OR5AN1: variants seen among roughly 807,000 people sequenced by gnomAD.
The protein encoded by OR5AN1 is olfactory receptor family 5 subfamily AN member 1, also known as olfactory receptor 5AN1.
For missense variants in OR5AN1, 476 were observed against 368.9 expected (o/e 1.29, Z -2.38); for synonymous variants, 167 against 131.8 (o/e 1.27, Z -1.83).
At chr11:59,359,560 A>G (rs1309613574) in intron 1 of OR5AN1, 1 of 152,164 alleles carries the variant, frequency 6.6e-6, no homozygotes, top group Non-Finnish European at 1.5e-5. Flanking sequence ...AATGCTAATA[A>G]TTAACTTGAT....
chr11:59,364,442 T>C lies in OR5AN1; in HGVS notation c.-13-4T>C. The C allele has an allele frequency of 6.4e-7, 1 of 1,553,960 alleles. No homozygotes were observed. Among genetic ancestry groups the C allele is most frequent in the Non-Finnish European group, 8.8e-7 (1 of 1,137,632 alleles). ...CCATTCTCTTGTCTCCTTTCTGATA[T>C]TAGGAGCACTGAGCCAATGACTGGG... On this transcript the variant is annotated splice_region_variant and splice_polypyrimidine_tract_variant and intron_variant, in intron 1 of 1. Coordinates refer to ENST00000641998, the MANE Select transcript of OR5AN1 (RefSeq NM_001004729.2).
chr11:59,361,883 CAA>C (rs1299003919), intron 1 of OR5AN1, among the ~76,000 whole-genome samples: 2 of 151,526 alleles, frequency 1.3e-5, no homozygotes, highest in Admixed American at 1.3e-4. Context: ...TGTAGGAAAA[CAA>C]GAGAATACAG....
rs376741641 is a variant in OR5AN1, at chr11:59,369,894, T to C, written c.*4500T>C. 36 of 152,142 alleles carry C rather than the reference T, an allele frequency of 2.4e-4. No individual in the cohort carries two copies. Among genetic ancestry groups the C allele is most frequent in the African/African-American group, 8.7e-4 (36 of 41,434 alleles). 9.4% of individuals were successfully genotyped at this position (152,142 alleles called of 1,614,324 possible). On this transcript the variant is annotated 3_prime_UTR_variant, in exon 2 of 2. Coordinates refer to ENST00000641998, the MANE Select transcript of OR5AN1 (RefSeq NM_001004729.2). ...TGAGTCATCTACAAAGGGATCCCCG[T>C]CAGGCTAACAGCAGACCTCTCCACT... is the stretch of plus-strand genomic sequence containing the variant.
chr11:59,361,571 G>A (rs751592059), intron 1 of OR5AN1, among the ~76,000 whole-genome samples: 87 of 152,282 alleles, frequency 5.7e-4, no homozygotes, highest in Non-Finnish European at 1.0e-3. Flanking sequence ...CTGAGCCACC[G>A]CGTCTGGCTG....
At chr11:59,360,500 T>A (rs544083380) in intron 1 of OR5AN1, among the ~76,000 whole-genome samples, 2 of 152,260 alleles carry the variant, frequency 1.3e-5, no homozygotes, top group South Asian at 4.1e-4. Flanking sequence ...TGTTTCATGG[T>A]GGTTTTCTGC....
At chr11:59,364,377 A>T in intron 1 of OR5AN1, 69 bp from the exon 2 acceptor site, 1 of 912,438 alleles carries the variant, frequency 1.1e-6, no homozygotes, top group South Asian at 1.6e-5. Flanking sequence ...ATGTACACAT[A>T]TGAAGACGGT....
At position 59,364,634 on chromosome 11, in the gene OR5AN1, C is replaced by A. The variant is rs747522885; in HGVS notation, c.176C>A (p.Pro59His). 3.7e-6 allele frequency: 6 copies of A among 1,613,924 alleles called. No homozygotes were observed. The African/African-American group carries it at 6.7e-5, about 18-fold the overall frequency. The change falls in exon 2 of 2, where the codon CCC becomes CAC. Residue 59 changes from proline to histidine, a missense_variant. By Grantham distance (77) the Pro-to-His change is moderately conservative. Transcript: ENST00000641998. ...AGGATGGATTCCCACCTCCATACAC[C>A]CATGTATTTCTTCCTCAGTAACCTG... is the stretch of plus-strand genomic sequence containing the variant. ...LIRMDSHLHT[P>H]MYFFLSNLSF...
chr11:59,364,292 A>G, intron 1 of OR5AN1, 154 bp from the exon 2 acceptor site: 2 of 561,812 alleles, frequency 3.6e-6, no homozygotes, highest in Non-Finnish European at 6.3e-6. Flanking sequence ...CATGCTGACA[A>G]TTCAAGAAAG....
At position 59,371,226 on chromosome 11, in the gene OR5AN1, G is replaced by T. The variant is rs188087360; in HGVS notation, c.*5832G>T. Reference sequence around the variant, plus strand: ...GTGTCCCTGCTTAATATTACATAGAGTAGCTGGGTCATAATTATTTAATCA... The same window carrying T: ...GTGTCCCTGCTTAATATTACATAGATTAGCTGGGTCATAATTATTTAATCA... On this transcript the variant is annotated 3_prime_UTR_variant, in exon 2 of 2. Transcript: ENST00000641998. The T allele has an allele frequency of 7.9e-5, 12 of 152,080 alleles. No homozygotes were observed. Among genetic ancestry groups the T allele is most frequent in the Non-Finnish European group, 1.0e-4 (7 of 68,014 alleles). The allele number at this position is 152,080 out of a possible 1,614,324, so 9.4% of individuals were successfully genotyped here.
Position 59,367,696 on chromosome 11 carries a change from G to C in OR5AN1, c.*2302G>C, listed in dbSNP as rs1319222640. ...ATCTGAGCTGACCCAGGGTGGAAGA[G>C]AACCCCCAGCCTAGCACAACACAGC... On this transcript the variant is annotated 3_prime_UTR_variant, in exon 2 of 2. Coordinates refer to ENST00000641998, the MANE Select transcript of OR5AN1 (RefSeq NM_001004729.2). 1 of 152,184 alleles carries C rather than the reference G, an allele frequency of 6.6e-6. No homozygotes were observed. The highest frequency in any genetic ancestry group is 1.5e-5 in the Non-Finnish European group (1 of 68,228). The allele number at this position is 152,184 out of a possible 1,614,324, so 9.4% of individuals were successfully genotyped here. A position where few individuals can be genotyped will look rare whatever the true frequency, so the allele number is the denominator to read the frequency against.
Position 59,366,162 on chromosome 11 carries a change from G to A in OR5AN1, c.*768G>A, listed in dbSNP as rs1857530278. ...GATTTCTTGTATCTAGAGTCTAGTG[G>A]GAAATTATAATGGAGATGATATTCA... On this transcript the variant is annotated 3_prime_UTR_variant, in exon 2 of 2. Transcript: ENST00000641998. 1 of 152,112 alleles carries A rather than the reference G, an allele frequency of 6.6e-6. No individual in the cohort carries two copies. The highest frequency in any genetic ancestry group is 6.6e-5 in the Admixed American group (1 of 15,266). 9.4% of individuals were successfully genotyped at this position (152,112 alleles called of 1,614,324 possible).
chr11:59,362,268 C>T (rs1857473193), intron 1 of OR5AN1, among the ~76,000 whole-genome samples: 4 of 152,086 alleles, frequency 2.6e-5, no homozygotes, highest in Admixed American at 2.0e-4. Flanking sequence ...AAGAGTTTTT[C>T]TGCCGTAACC....
intron 1 of OR5AN1, among the ~76,000 whole-genome samples, chr11:59,361,538 C>T (rs1448477646): frequency 6.6e-6 from 1 of 152,214 alleles, no homozygotes; most frequent in African/African-American, 2.4e-5. Context: ...GCCTCGGCCT[C>T]CCATAGTGCT....
chr11:59,360,568 T>A (rs1184855652), intron 1 of OR5AN1, among the ~76,000 whole-genome samples: 1 of 152,168 alleles, frequency 6.6e-6, no homozygotes, highest in Non-Finnish European at 1.5e-5. Flanking sequence ...TTTTTCCTAA[T>A]GCTCTCCCTC....
rs1472519973 is a variant in OR5AN1 at position 59,368,006 on chromosome 11, G to A, written c.*2612G>A. On this transcript the variant is annotated 3_prime_UTR_variant, in exon 2 of 2. Transcript: ENST00000641998. ...CAGCACAGCTGTTCTACCAAAACGT[G>A]GCCAGACTGCTTTTTCAAGTGGTTC... 6.6e-6 allele frequency: 1 copy of A among 152,282 alleles called. No individual in the cohort carries two copies. Among genetic ancestry groups the A allele is most frequent in the Non-Finnish European group, 1.5e-5 (1 of 68,130 alleles). The allele number at this position is 152,282 out of a possible 1,614,324, so 9.4% of individuals were successfully genotyped here.
Position 59,364,457 on chromosome 11 carries a change from C to G in OR5AN1, c.-2C>G. ...CTTTCTGATATTAGGAGCACTGAGC[C>G]AATGACTGGGGGAGGAAATATTACA... On this transcript the variant is annotated 5_prime_UTR_variant, in exon 2 of 2. Coordinates refer to ENST00000641998, the MANE Select transcript of OR5AN1 (RefSeq NM_001004729.2). 6.3e-7 allele frequency: 1 copy of G among 1,597,842 alleles called. No individual in the cohort carries two copies. Among genetic ancestry groups the G allele is most frequent in the African/African-American group, 1.3e-5 (1 of 74,772 alleles).
At position 59,366,305 on chromosome 11, in the gene OR5AN1, A is replaced by T. The variant is rs1400337342; in HGVS notation, c.*911A>T. On this transcript the variant is annotated 3_prime_UTR_variant, in exon 2 of 2. Coordinates refer to ENST00000641998, the MANE Select transcript of OR5AN1 (RefSeq NM_001004729.2). ...GGGTAACTATTGAATCCAGGAGAGG[A>T]TGAAAGAAACATGGGTCAAATATAT... is the stretch of plus-strand genomic sequence containing the variant. 6.6e-6 allele frequency: 1 copy of T among 152,168 alleles called. No individual in the cohort carries two copies. Among genetic ancestry groups the T allele is most frequent in the Non-Finnish European group, 1.5e-5 (1 of 68,030 alleles). The allele number at this position is 152,168 out of a possible 1,614,324, so 9.4% of individuals were successfully genotyped here.
In OR5AN1 at chr11:59,365,621, A is replaced by G. The variant is rs1171518809; in HGVS notation, c.*227A>G. ...AGGTTCATTATTTTTATCCTACATCAGGATAAATAATGTGGCCTCATCATT... is the reference window on the plus strand; with the variant it reads ...AGGTTCATTATTTTTATCCTACATCGGGATAAATAATGTGGCCTCATCATT... On this transcript the variant is annotated 3_prime_UTR_variant, in exon 2 of 2. Transcript: ENST00000641998. 1 of 421,800 alleles carries G rather than the reference A, an allele frequency of 2.4e-6. No individual in the cohort carries two copies. The highest frequency in any genetic ancestry group is 2.0e-5 in the African/African-American group (1 of 48,898). 26.1% of individuals were successfully genotyped at this position (421,800 alleles called of 1,614,324 possible). A position where few individuals can be genotyped will look rare whatever the true frequency, so the allele number is the denominator to read the frequency against.
Position 59,363,437 on chromosome 11 carries a change from G to A in OR5AN1, c.-13-1009G>A, listed in dbSNP as rs78718535. On this transcript the variant is annotated intron_variant, in intron 1 of 1. Coordinates refer to ENST00000641998, the MANE Select transcript of OR5AN1 (RefSeq NM_001004729.2). ...TACTCTAAAATTGAGACAATAGTTGGGGCCAAGAGTGAGCTGCACTAGCCT... is the reference window on the plus strand; with the variant it reads ...TACTCTAAAATTGAGACAATAGTTGAGGCCAAGAGTGAGCTGCACTAGCCT... Among the ~76,000 whole-genome samples the A allele has an allele frequency of 2.1e-3, 313 of 152,208 alleles. 2 individuals carry two copies. Among genetic ancestry groups the A allele is most frequent in the African/African-American group, 7.0e-3 (289 of 41,532 alleles).
Sources: gnomAD v4.1 joint callset for allele counts (sites outside exome capture counted in the v4.1 genomes callset) on GRCh38, gnomAD v4.1.1 for gene constraint, MANE v1.5 for transcripts, NCBI Gene and HGNC (gene_info 2026-07-23, HGNC 2026-07-21) for gene names.